PDE1C: variants seen among roughly 807,000 people sequenced by gnomAD.
The protein encoded by PDE1C is phosphodiesterase 1C.
Under a neutral mutation model 93.1 loss-of-function variants are expected in PDE1C, and 62 were observed. The observed-to-expected ratio is 0.67, with a 90% CI of 0.54 to 0.82. The LOEUF is 0.82. Among genes scored for constraint, PDE1C ranks in the 40% least tolerant of loss-of-function variants. The probability of loss-of-function intolerance (pLI) is 0.00; values close to 1 mark genes in which losing one functional copy is unlikely to be tolerated. For missense variants in PDE1C, 742 were observed against 884.6 expected (o/e 0.84, Z 2.04); for synonymous variants, 325 against 310.1 (o/e 1.05, Z -0.50).
chr7:32,259,711 C>T (rs1386509877), intron 1 of PDE1C, among the ~76,000 whole-genome samples: 4 of 152,174 alleles, frequency 2.6e-5, no homozygotes, highest in Admixed American at 1.3e-4. Context: ...CTTGAGCTAA[C>T]GTCATCATTT....
At chr7:32,313,428 A>T (rs1015272420) in intron 1 of PDE1C, among the ~76,000 whole-genome samples, 3 of 152,042 alleles carry the variant, frequency 2.0e-5, no homozygotes, top group Admixed American at 6.6e-5. Flanking sequence ...ATTATAAATC[A>T]TGCTGCTATA....
At chr7:31,834,964 A>G (rs1790877009) in intron 11 of PDE1C, among the ~76,000 whole-genome samples, 1 of 152,028 alleles carries the variant, frequency 6.6e-6, no homozygotes, top group African/African-American at 2.4e-5. Context: ...GAGATAACTG[A>G]ATCCTGGGTG....
At chr7:31,895,607 T>TCTCA (rs1461881985) in intron 2 of PDE1C, among the ~76,000 whole-genome samples, 1 of 150,562 alleles carries the variant, frequency 6.6e-6, no homozygotes, top group Non-Finnish European at 1.5e-5. Flanking sequence ...TCTCTCTCTC[T>TCTCA]CACTCTGTCT....
At chr7:31,622,652 G>T in the PDE1C span, among the ~76,000 whole-genome samples, 2 of 152,020 alleles carry the variant, frequency 1.3e-5, no homozygotes, top group African/African-American at 4.8e-5. Flanking sequence ...ACAAGAGAAA[G>T]CAGGAAAGAT....
chr7:31,663,653 A>G, the PDE1C span, among the ~76,000 whole-genome samples: 1 of 152,152 alleles, frequency 6.6e-6, no homozygotes, highest in East Asian at 1.9e-4. Context: ...CAGGACTTTT[A>G]ATTGTGCTTA....
intron 1 of PDE1C, among the ~76,000 whole-genome samples, chr7:32,062,807 G>A (rs976216917): frequency 1.3e-5 from 2 of 152,148 alleles, no homozygotes; most frequent in African/African-American, 4.8e-5. Flanking sequence ...CATAGTAAGT[G>A]CCACAGAAAT....
At chr7:32,084,001 A>G (rs958458601) in intron 3 of PDE1C, among the ~76,000 whole-genome samples, 2 of 151,322 alleles carry the variant, frequency 1.3e-5, no homozygotes, top group Admixed American at 6.6e-5. Context: ...ACACATAACA[A>G]TATTAACTTT....
chr7:31,736,015 C>T, the PDE1C span, among the ~76,000 whole-genome samples: 1 of 152,198 alleles, frequency 6.6e-6, no homozygotes, highest in African/African-American at 2.4e-5. Context: ...GTGGATTCAA[C>T]AGTGCATTGC....
At chr7:32,395,137 A>G (rs1784818685) in intron 1 of PDE1C, among the ~76,000 whole-genome samples, 1 of 152,246 alleles carries the variant, frequency 6.6e-6, no homozygotes, top group Admixed American at 6.5e-5. Context: ...TCATTTATTC[A>G]ATAACTATTT....
chr7:31,853,213 TCAA>T (rs1299114371), intron 7 of PDE1C, among the ~76,000 whole-genome samples: 2 of 152,084 alleles, frequency 1.3e-5, no homozygotes, highest in Admixed American at 6.6e-5. Flanking sequence ...AAACAGGCAT[TCAA>T]CAACAACAAC....
chr7:31,652,653 C>T, the PDE1C span: 4 of 1,613,852 alleles, frequency 2.5e-6, no homozygotes, highest in Non-Finnish European at 2.5e-6. Context: ...TGTGTTTCCT[C>T]CCGATGATGG....
chr7:32,194,273 G>C (rs983785704), intron 2 of PDE1C, among the ~76,000 whole-genome samples: 1 of 152,122 alleles, frequency 6.6e-6, no homozygotes, highest in Non-Finnish European at 1.5e-5. Context: ...GTGTAGCACG[G>C]TTCACAGTAT....
chr7:31,670,453 G>A, the PDE1C span, among the ~76,000 whole-genome samples: 1 of 152,134 alleles, frequency 6.6e-6, no homozygotes, highest in Non-Finnish European at 1.5e-5. Context: ...GTCTCAGTGC[G>A]ATTTTCTTCC....
At chr7:31,641,053 C>T in the PDE1C span, among the ~76,000 whole-genome samples, 4 of 152,122 alleles carry the variant, frequency 2.6e-5, no homozygotes, top group Middle Eastern at 3.2e-3. Context: ...GAGACTGTCT[C>T]CACTTGCTGT....
chr7:32,078,070 G>A (rs1796452541), intron 3 of PDE1C: 2 of 979,388 alleles, frequency 2.0e-6, no homozygotes, highest in Non-Finnish European at 2.4e-6. Context: ...TGAAATTTTT[G>A]TTCACGTAAA....
chr7:31,624,243 A>C, the PDE1C span, among the ~76,000 whole-genome samples: 11 of 145,904 alleles, frequency 7.5e-5, no homozygotes, highest in South Asian at 2.3e-4. Context: ...GCTACCAATG[A>C]CTTTCTTCAC....
At position 32,197,161 on chromosome 7, in the gene PDE1C, A is replaced by G. The variant is rs151001748; in HGVS notation, c.136+12328T>C. Among the ~76,000 whole-genome samples the G allele has an allele frequency of 4.3e-3, 654 of 152,326 alleles. 7 individuals carry two copies. Among genetic ancestry groups the G allele is most frequent in the African/African-American group, 0.015 (623 of 41,582 alleles). Reference sequence around the variant, plus strand: ...CCCTTTTCTTAAAATCTAGCTCTCCAAATAAGATACACGAGTGGGCAATAA... The same window carrying G: ...CCCTTTTCTTAAAATCTAGCTCTCCGAATAAGATACACGAGTGGGCAATAA... On this transcript the variant is annotated intron_variant, in intron 2 of 18. Coordinates refer to the PDE1C transcript ENST00000396193.
the PDE1C span, chr7:31,708,092 A>G: frequency 2.6e-5 from 4 of 152,218 alleles, no homozygotes; most frequent in East Asian, 7.7e-4. Context: ...GGTCAATGAA[A>G]GCCATTCTGT....
the PDE1C span, among the ~76,000 whole-genome samples, chr7:31,739,665 G>C: frequency 2.0e-5 from 3 of 152,162 alleles, no homozygotes; most frequent in Admixed American, 1.3e-4. Flanking sequence ...CAGAAGCCCA[G>C]TGCACGAGTG....
Sources: gnomAD v4.1 joint callset for allele counts (sites outside exome capture counted in the v4.1 genomes callset) on GRCh38, gnomAD v4.1.1 for gene constraint, MANE v1.5 for transcripts, NCBI Gene and HGNC (gene_info 2026-07-23, HGNC 2026-07-21) for gene names.